The following KIF21A variants were observed in gnomAD, a reference collection of about 807,000 sequenced individuals.
The protein encoded by KIF21A is kinesin family member 21A.
KIF21A carries 114 observed loss-of-function variants against 202.9 expected under a neutral mutation model. That is an observed-to-expected ratio of 0.56 (90% CI 0.48 to 0.66). The LOEUF (loss-of-function observed/expected upper bound fraction) is 0.66. Among genes scored for constraint, KIF21A ranks in the 30% least tolerant of loss-of-function variants. The probability of loss-of-function intolerance (pLI) is 0.00; values close to 1 mark genes in which losing one functional copy is unlikely to be tolerated. For missense variants in KIF21A, 1,677 were observed against 1,994.9 expected, an observed-to-expected ratio of 0.84 and a Z score of 3.04; for synonymous variants, 667 against 670.8, an observed-to-expected ratio of 0.99 and a Z score of 0.09.
chr12:39,315,161 C>T (rs1395752291), intron 31 of KIF21A, 68 bp downstream of exon 31: 3 of 1,421,794 alleles, frequency 2.1e-6, no homozygotes, highest in Admixed American at 3.4e-5. Context: ...TATTTTTGTT[C>T]CATGCAAACC....
intron 28 of KIF21A, among the ~76,000 whole-genome samples, chr12:39,319,313 T>C (rs1228019281): frequency 2.6e-5 from 4 of 152,162 alleles, no homozygotes; most frequent in Non-Finnish European, 5.9e-5. Context: ...CTGCATGCTG[T>C]CATGTTGCAA....
chr12:39,321,012 G>A (rs1312581125), intron 27 of KIF21A, among the ~76,000 whole-genome samples: 3 of 150,304 alleles, frequency 2.0e-5, no homozygotes, highest in Non-Finnish European at 3.0e-5. Flanking sequence ...TCCAGAATGG[G>A]TTTGCATGAT....
At chr12:39,380,478 G>A (rs1950545398) in intron 1 of KIF21A, among the ~76,000 whole-genome samples, 1 of 152,168 alleles carries the variant, frequency 6.6e-6, no homozygotes, top group African/African-American at 2.4e-5. Flanking sequence ...AGTTTATAAA[G>A]TATCATCTTT....
intron 1 of KIF21A, among the ~76,000 whole-genome samples, chr12:39,418,674 G>A (rs1467518056): frequency 6.6e-6 from 1 of 152,188 alleles, no homozygotes; most frequent in Non-Finnish European, 1.5e-5. Context: ...CCATTAATAA[G>A]TTAAAGGAAG....
Position 39,358,376 on chromosome 12 carries a change from G to T in KIF21A, c.1020-3C>A. On this transcript the variant is annotated splice_polypyrimidine_tract_variant and splice_region_variant and intron_variant, in intron 7 of 37. Transcript: ENST00000361418. ...CACATGCTATCATGATTGTTTGGCT[G>T]AAAGTTACAAATAATAGTTAGGCTT... 1 of 1,613,184 alleles carries T rather than the reference G, an allele frequency of 6.2e-7. No individual in the cohort carries two copies. Among genetic ancestry groups the T allele is most frequent in the Non-Finnish European group, 8.5e-7 (1 of 1,179,164 alleles).
At chr12:39,326,442 T>C in intron 24 of KIF21A, 118 bp from the exon 25 acceptor site, 1 of 727,830 alleles carries the variant, frequency 1.4e-6, no homozygotes, top group East Asian at 2.7e-5. Flanking sequence ...ACGATGGTTT[T>C]AGTAGCTGAA....
chr12:39,388,898 C>A (rs961780909), intron 1 of KIF21A, among the ~76,000 whole-genome samples: 1 of 152,066 alleles, frequency 6.6e-6, no homozygotes, highest in East Asian at 1.9e-4. Flanking sequence ...CATACTGAAA[C>A]CTCACTGAAA....
At chr12:39,354,409 G>C (rs1948619310) in intron 10 of KIF21A, among the ~76,000 whole-genome samples, 1 of 152,086 alleles carries the variant, frequency 6.6e-6, no homozygotes, top group South Asian at 2.1e-4. Context: ...AGATCAAAAT[G>C]TTAACATCAG....
chr12:39,399,940 A>C (rs1299749078), intron 1 of KIF21A, among the ~76,000 whole-genome samples: 1 of 152,234 alleles, frequency 6.6e-6, no homozygotes, highest in Non-Finnish European at 1.5e-5. Context: ...TCTTACTGAA[A>C]TTAAAGGGAA....
At chr12:39,406,551 C>T (rs1249420710) in intron 1 of KIF21A, among the ~76,000 whole-genome samples, 2 of 152,228 alleles carry the variant, frequency 1.3e-5, no homozygotes, top group African/African-American at 4.8e-5. Context: ...TGTGAAGGAA[C>T]AAAGCCTGTG....
At chr12:39,335,097 T>C (rs1319494343) in intron 17 of KIF21A, among the ~76,000 whole-genome samples, 1 of 152,182 alleles carries the variant, frequency 6.6e-6, no homozygotes, top group Admixed American at 6.5e-5. Flanking sequence ...TGTTATAACA[T>C]GGCTGAACCT....
chr12:39,361,217 T>A (rs369816933), intron 7 of KIF21A, among the ~76,000 whole-genome samples: 2 of 152,330 alleles, frequency 1.3e-5, no homozygotes, highest in South Asian at 4.1e-4. Context: ...AGGACATATA[T>A]CATGTCTGCT....
intron 1 of KIF21A, among the ~76,000 whole-genome samples, chr12:39,388,092 A>C (rs1242303711): frequency 1.3e-5 from 2 of 152,274 alleles, no homozygotes; most frequent in Middle Eastern, 3.4e-3. Flanking sequence ...TTCTGGTTGA[A>C]GTTTGATCCC....
intron 37 of KIF21A, among the ~76,000 whole-genome samples, chr12:39,299,440 A>G (rs927110640): frequency 1.3e-5 from 2 of 152,196 alleles, no homozygotes; most frequent in African/African-American, 4.8e-5. Flanking sequence ...TACTATTAAA[A>G]AGTCAAAAAT....
At chr12:39,372,682 A>G (rs1292424463) in intron 1 of KIF21A, among the ~76,000 whole-genome samples, 1 of 152,192 alleles carries the variant, frequency 6.6e-6, no homozygotes, top group Non-Finnish European at 1.5e-5. Flanking sequence ...CAGACTATAA[A>G]AACAGCCCGT....
At chr12:39,405,314 T>C (rs1952496647) in intron 1 of KIF21A, among the ~76,000 whole-genome samples, 1 of 152,116 alleles carries the variant, frequency 6.6e-6, no homozygotes, top group Non-Finnish European at 1.5e-5. Context: ...ACTGTGCCAT[T>C]ACACTCCAGC....
At chr12:39,362,241 T>A (rs1447676158) in intron 7 of KIF21A, among the ~76,000 whole-genome samples, 1 of 152,168 alleles carries the variant, frequency 6.6e-6, no homozygotes, top group African/African-American at 2.4e-5. Context: ...AATTACCCAG[T>A]CTCAGGTATT....
At position 39,304,911 on chromosome 12, in the gene KIF21A, T is replaced by C. The variant is rs772392400; in HGVS notation, c.4470A>G (p.Gly1490=). Residue 1490 remains glycine (G), a synonymous_variant, in exon 35 of 38, where the codon GGA becomes GGG. Coordinates refer to ENST00000361418, the MANE Select transcript of KIF21A (RefSeq NM_001173464.2). ...TAAGGCACATAACAGGGCCTAGGTG[T>C]CCTGTTAACTTTCCTGTAGACTGAA... ...KRFQSTGKLT[G]HLGPVMCLTV... 3 of 1,595,278 alleles carry C rather than the reference T, an allele frequency of 1.9e-6. No individual in the cohort carries two copies. In the East Asian group the frequency reaches 6.7e-5, roughly 36 times the overall value.
At chr12:39,341,426 G>A in intron 14 of KIF21A, 79 bp downstream of exon 14, 1 of 1,368,850 alleles carries the variant, frequency 7.3e-7, no homozygotes, top group Non-Finnish European at 1.0e-6. Context: ...GTATGAAATA[G>A]AGAATGTTAA....
Sources: allele counts gnomAD v4.1 joint callset (sites outside exome capture counted in the v4.1 genomes callset), GRCh38; gene constraint gnomAD v4.1.1; transcripts MANE v1.5; gene names NCBI Gene and HGNC (gene_info 2026-07-23, HGNC 2026-07-21).